The following CSTL1 variants were observed in gnomAD, a reference collection of about 807,000 sequenced individuals.
The protein encoded by CSTL1 is cystatin-like 1.
Under a neutral mutation model 14.4 loss-of-function variants are expected in CSTL1, and 14 were observed. The ratio of observed to expected loss-of-function variants is 0.97; its 90% CI spans 0.64 to 1.52. CSTL1 has a LOEUF of 1.52. Ranked by LOEUF, CSTL1 falls within the 40% of genes most tolerant of loss-of-function variation. The probability of loss-of-function intolerance (pLI) is 0.00; values close to 1 mark genes in which losing one functional copy is unlikely to be tolerated. For missense variants in CSTL1, 170 were observed against 168.7 expected, an observed-to-expected ratio of 1.01 and a Z score of -0.04; for synonymous variants, 72 against 67.5, an observed-to-expected ratio of 1.07 and a Z score of -0.33.
At chr20:23,449,891 C>T (rs886983389), downstream of CSTL1, among the ~76,000 whole-genome samples, 1 of 152,118 alleles carries the variant, frequency 6.6e-6, no homozygotes, top group Non-Finnish European at 1.5e-5. Flanking sequence ...CTGGTTTGGT[C>T]CAGTGTTGCT....
At chr20:23,449,871 A>C (rs1025375306), downstream of CSTL1, among the ~76,000 whole-genome samples, 1 of 152,152 alleles carries the variant, frequency 6.6e-6, no homozygotes, top group African/African-American at 2.4e-5. Context: ...GAATTTATTT[A>C]TAGACAGACC....
chr20:23,456,212 C>T, the CSTL1 span, among the ~76,000 whole-genome samples: 1 of 152,240 alleles, frequency 6.6e-6, no homozygotes, highest in East Asian at 1.9e-4. Flanking sequence ...TATTTGTCCT[C>T]TGTGACTTTT....
the CSTL1 span, chr20:23,452,914 T>G: frequency 2.4e-6 from 2 of 831,836 alleles, no homozygotes; most frequent in Non-Finnish European, 3.8e-6. Context: ...GAGCAGCTGG[T>G]GGTGGACACC....
the CSTL1 span, among the ~76,000 whole-genome samples, chr20:23,458,374 AT>A: frequency 6.6e-6 from 1 of 152,252 alleles, no homozygotes. Context: ...AGTTTCTAAA[AT>A]TTTCCATGCA....
chr20:23,447,390 A>G (rs1266291913), downstream of CSTL1, among the ~76,000 whole-genome samples: 1 of 152,152 alleles, frequency 6.6e-6, no homozygotes, highest in African/African-American at 2.4e-5. Context: ...AGCTTCTAAG[A>G]ACAATAGCTA....
Position 23,444,795 on chromosome 20 carries a change from T to C in CSTL1, c.355T>C (p.Tyr119His). 6.2e-7 allele frequency: 1 copy of C among 1,613,548 alleles called. No homozygotes were observed. The highest frequency in any genetic ancestry group is 8.5e-7 in the Non-Finnish European group (1 of 1,179,444). ...GAGTTTAATTTGCGAGTCTTTGATA[T>C]ACACCATGCCCTGGATAAACTATTT... Reference protein sequence around the residue: ...RKSLICESLIYTMPWINYFQL... With the variant: ...RKSLICESLIHTMPWINYFQL... Residue 119 changes from tyrosine to histidine, a missense_variant, in exon 4 of 4, where the codon TAC becomes CAC. Coordinates refer to ENST00000347397, the MANE Select transcript of CSTL1 (RefSeq NM_138283.1).
the CSTL1 span, chr20:23,451,673 C>T: frequency 3.7e-3 from 2,110 of 577,038 alleles, 39 homozygotes; most frequent in African/African-American, 0.037. Flanking sequence ...CTTTCCCTCT[C>T]TGAGGAAGGA....
the CSTL1 span, among the ~76,000 whole-genome samples, chr20:23,451,382 C>T: frequency 6.6e-6 from 1 of 152,188 alleles, no homozygotes; most frequent in African/African-American, 2.4e-5. Flanking sequence ...AACTTGTTTC[C>T]TCACCTCCTC....
chr20:23,439,966 CT>C (rs1300205931), intron 1 of CSTL1, among the ~76,000 whole-genome samples, 160 bp downstream of exon 1: 1 of 152,186 alleles, frequency 6.6e-6, no homozygotes, highest in African/African-American at 2.4e-5. Flanking sequence ...TGTTCTGGGG[CT>C]TTTCTTCCCT....
chr20:23,441,137 C>T (rs1986822780), intron 2 of CSTL1, among the ~76,000 whole-genome samples: 2 of 152,120 alleles, frequency 1.3e-5, no homozygotes, highest in South Asian at 4.1e-4. Context: ...TAATTTTGCT[C>T]CCTTTAAAGT....
At chr20:23,443,889 T>C (rs2123314947) in intron 2 of CSTL1, 45 bp from the exon 3 acceptor site, 1 of 1,436,390 alleles carries the variant, frequency 7.0e-7, no homozygotes, top group East Asian at 2.3e-5. Flanking sequence ...GGTCAGCCAC[T>C]GGATGCTTGG....
At chr20:23,455,723 C>A in the CSTL1 span, among the ~76,000 whole-genome samples, 1 of 152,202 alleles carries the variant, frequency 6.6e-6, no homozygotes, top group Non-Finnish European at 1.5e-5. Flanking sequence ...GGCAAGAGGG[C>A]GGCACCAAAG....
At chr20:23,459,048 C>G in the CSTL1 span, 5 of 152,252 alleles carry the variant, frequency 3.3e-5, no homozygotes, top group Non-Finnish European at 5.9e-5. Context: ...TCTTGTCCTT[C>G]TCTTCCTTTT....
chr20:23,443,823 G>C (rs139779686), intron 2 of CSTL1, 111 bp from the exon 3 acceptor site: 1 of 741,186 alleles, frequency 1.3e-6, no homozygotes. Context: ...TAAGCTCCGC[G>C]AACAAGAACT....
chr20:23,452,924 C>T, the CSTL1 span: 1 of 729,378 alleles, frequency 1.4e-6, no homozygotes, highest in Non-Finnish European at 2.3e-6. Context: ...TGGTGGACAC[C>T]CACAGCTCTC....
the CSTL1 span, among the ~76,000 whole-genome samples, chr20:23,458,005 C>A: frequency 6.6e-6 from 1 of 152,178 alleles, no homozygotes; most frequent in Non-Finnish European, 1.5e-5. Flanking sequence ...CAGTTCCACA[C>A]TCCATCCCCT....
At chr20:23,454,272 AAC>A in the CSTL1 span, among the ~76,000 whole-genome samples, 1 of 150,656 alleles carries the variant, frequency 6.6e-6, no homozygotes, top group Non-Finnish European at 1.5e-5. Context: ...ACAGACACAC[AAC>A]ACACAGATAC....
the CSTL1 span, among the ~76,000 whole-genome samples, chr20:23,453,526 C>T: frequency 6.6e-6 from 1 of 152,106 alleles, no homozygotes; most frequent in Non-Finnish European, 1.5e-5. Context: ...ATCCTGGGGA[C>T]CTGATGGGAG....
the CSTL1 span, among the ~76,000 whole-genome samples, chr20:23,457,137 G>T: frequency 6.6e-6 from 1 of 152,162 alleles, no homozygotes; most frequent in East Asian, 1.9e-4. Context: ...GGACTGCTCT[G>T]GTTCTTTTGG....
Sources: allele counts gnomAD v4.1 joint callset (sites outside exome capture counted in the v4.1 genomes callset), GRCh38; gene constraint gnomAD v4.1.1; transcripts MANE v1.5; gene names NCBI Gene and HGNC (gene_info 2026-07-23, HGNC 2026-07-21).